ZNF536: variants seen among roughly 807,000 people sequenced by gnomAD.
ZNF536 encodes the protein zinc finger protein 536.
ZNF536 carries 13 observed loss-of-function variants against 84.5 expected under a neutral mutation model. The observed-to-expected ratio is 0.15, with a 90% CI of 0.10 to 0.24. The LOEUF (loss-of-function observed/expected upper bound fraction) is 0.24. ZNF536 is among the 10% of genes least tolerant of loss of function. ZNF536 has a pLI of 1.00. For missense variants in ZNF536, 1,536 were observed against 1,747.5 expected (o/e 0.88, Z 2.16); for synonymous variants, 811 against 742.5 (o/e 1.09, Z -1.50).
intron 1 of ZNF536, among the ~76,000 whole-genome samples, chr19:30,278,058 A>G (rs1393554044): frequency 1.3e-5 from 2 of 152,130 alleles, no homozygotes; most frequent in Non-Finnish European, 2.9e-5. Flanking sequence ...TTTGAAATGT[A>G]GGTTTTATTA....
intron 1 of ZNF536, among the ~76,000 whole-genome samples, chr19:30,269,167 A>G (rs1568290574): frequency 6.6e-6 from 1 of 152,108 alleles, no homozygotes; most frequent in East Asian, 1.9e-4. Flanking sequence ...TCTTTTGGCG[A>G]GTGTGTTGAG....
At chr19:30,379,939 T>C (rs958216709) in intron 1 of ZNF536, among the ~76,000 whole-genome samples, 3 of 152,186 alleles carry the variant, frequency 2.0e-5, no homozygotes, top group Non-Finnish European at 1.5e-5. Flanking sequence ...GCTGAGGCTT[T>C]TGATCTGTGA....
At chr19:30,242,001 T>G (rs1470000831) in intron 1 of ZNF536, among the ~76,000 whole-genome samples, 1 of 151,986 alleles carries the variant, frequency 6.6e-6, no homozygotes, top group Non-Finnish European at 1.5e-5. Flanking sequence ...TGGCGCGATC[T>G]TTCTTTGCAT....
chr19:30,227,270 C>A (rs1335242649), upstream of ZNF536, among the ~76,000 whole-genome samples: 1 of 152,084 alleles, frequency 6.6e-6, no homozygotes, highest in African/African-American at 2.4e-5. Flanking sequence ...TTAAGTCCCC[C>A]CCTTTTCACT....
chr19:30,628,388 A>G (rs765211041), intron 1 of ZNF536, among the ~76,000 whole-genome samples: 8 of 151,210 alleles, frequency 5.3e-5, no homozygotes, highest in African/African-American at 1.9e-4. Context: ...GACAGAAAAC[A>G]TAGCACAGCA....
intron 2 of ZNF536, among the ~76,000 whole-genome samples, chr19:30,329,478 G>A (rs1309766767): frequency 6.6e-6 from 1 of 152,136 alleles, no homozygotes; most frequent in Non-Finnish European, 1.5e-5. Flanking sequence ...ACCTTCAAAG[G>A]AGTTAAGTTT....
At position 30,629,732 on chromosome 19, in the gene ZNF536, G is replaced by A. The variant is rs185343378; in HGVS notation, c.169+80218G>A. On this transcript the variant is annotated intron_variant, in intron 1 of 1. Transcript: ENST00000592773. ...TGTTTGTAGGTCTGGAATCTGCCAC[G>A]AGTTTCTCTGCTCCTCTGGCTCCCC... is the stretch of plus-strand genomic sequence containing the variant. Among the ~76,000 whole-genome samples, 6 of 152,310 alleles carry A rather than the reference G, an allele frequency of 3.9e-5. No individual in the cohort carries two copies. The East Asian group carries it at 9.7e-4, about 25-fold the overall frequency.
chr19:30,550,356 G>T (rs1320208191), intron 4 of ZNF536, among the ~76,000 whole-genome samples: 1 of 152,148 alleles, frequency 6.6e-6, no homozygotes, highest in African/African-American at 2.4e-5. Flanking sequence ...TGAATGTTTG[G>T]GTGGGCAGGG....
At position 30,548,967 on chromosome 19, in the gene ZNF536, T is replaced by A. The variant is rs1203383606; in HGVS notation, c.3348T>A (p.Gly1116=). 1 of 1,614,066 alleles carries A rather than the reference T, an allele frequency of 6.2e-7. No homozygotes were observed. The highest frequency in any genetic ancestry group is 8.5e-7 in the Non-Finnish European group (1 of 1,180,024). ...NFPSDFYKQF[G]VYPGMVGSGA... ...CATCAGACTTCTACAAGCAGTTTGG[T>A]GTTTACCCAGGCATGGTTGGCTCAG... Residue 1116 remains glycine, a synonymous_variant, in exon 4 of 5, where the codon GGT becomes GGA. Transcript: ENST00000355537.
At chr19:30,491,027 C>T (rs1240452565) in intron 2 of ZNF536, among the ~76,000 whole-genome samples, 3 of 152,074 alleles carry the variant, frequency 2.0e-5, no homozygotes, top group African/African-American at 4.8e-5. Context: ...GGTGAATGTG[C>T]AACTCCAATG....
At chr19:30,581,712 C>T (rs758857059) in intron 1 of ZNF536, among the ~76,000 whole-genome samples, 7 of 151,454 alleles carry the variant, frequency 4.6e-5, no homozygotes, top group Admixed American at 1.3e-4. Context: ...CCGAGGTGGG[C>T]GGATCACGAG....
At chr19:30,674,679 A>G (rs1350376244) in intron 1 of ZNF536, among the ~76,000 whole-genome samples, 4 of 152,208 alleles carry the variant, frequency 2.6e-5, no homozygotes, top group African/African-American at 4.8e-5. Context: ...GGTGGAGGCC[A>G]GCTTGAGCTC....
At chr19:30,486,724 T>A (rs2054315425) in intron 2 of ZNF536, among the ~76,000 whole-genome samples, 1 of 152,218 alleles carries the variant, frequency 6.6e-6, no homozygotes. Context: ...ACCAATGGTG[T>A]AAAAACGTTC....
At chr19:30,498,238 G>A (rs1036633054) in intron 2 of ZNF536, among the ~76,000 whole-genome samples, 2 of 152,150 alleles carry the variant, frequency 1.3e-5, no homozygotes, top group Non-Finnish European at 2.9e-5. Context: ...CACATATACA[G>A]CATGGAATAC....
intron 1 of ZNF536, among the ~76,000 whole-genome samples, chr19:30,402,298 T>C (rs2050074748): frequency 2.0e-5 from 3 of 151,848 alleles, no homozygotes; most frequent in Non-Finnish European, 2.9e-5. Context: ...CAATCTGTTA[T>C]GCAAAATCAT....
At position 30,444,696 on chromosome 19, in the gene ZNF536, C is replaced by T. The variant is rs755287534; in HGVS notation, c.1134C>T (p.Cys378=). 1.2e-5 allele frequency: 20 copies of T among 1,613,954 alleles called. No individual in the cohort carries two copies. The highest frequency in any genetic ancestry group is 1.6e-5 in the Non-Finnish European group (19 of 1,180,040). ...CCTTTGAGCACTGCTGCCAGATCTG[C>T]GGCCGGCGCTTCAAGGAGCCCTGGT... ...KDSFEHCCQI[C]GRRFKEPWFL... The change falls in exon 2 of 5, where the codon TGC becomes TGT. Residue 378 remains cysteine (C), a synonymous_variant. Transcript: ENST00000355537.
At chr19:30,620,065 A>G (rs2082153004) in intron 1 of ZNF536, among the ~76,000 whole-genome samples, 1 of 150,842 alleles carries the variant, frequency 6.6e-6, no homozygotes, top group African/African-American at 2.4e-5. Flanking sequence ...TTAGGTACAC[A>G]AAAGGGTTCC....
Position 30,444,516 on chromosome 19 carries a change from C to T in ZNF536, c.954C>T (p.His318=). ...CGCAGGAGGAGGAGCTCATCAGCCA[C>T]GTGGAGAAGGCACACATCACGGCCG... The part of the protein sequence containing the change: ...AASQEEELIS[H]VEKAHITAES... The change falls in exon 2 of 5, where the codon CAC becomes CAT. Residue 318 remains histidine, a synonymous_variant. Transcript: ENST00000355537. 6.2e-7 allele frequency: 1 copy of T among 1,612,620 alleles called. No individual in the cohort carries two copies. Among genetic ancestry groups the T allele is most frequent in the Non-Finnish European group, 8.5e-7 (1 of 1,179,852 alleles).
intron 2 of ZNF536, among the ~76,000 whole-genome samples, chr19:30,502,992 A>G (rs899897187): frequency 4.6e-5 from 7 of 152,254 alleles, no homozygotes; most frequent in Non-Finnish European, 1.5e-5. Flanking sequence ...CTCTCCAACC[A>G]TAACATCTGA....
Sources: gnomAD v4.1 joint callset for allele counts (sites outside exome capture counted in the v4.1 genomes callset) on GRCh38, gnomAD v4.1.1 for gene constraint, MANE v1.5 for transcripts, NCBI Gene and HGNC (gene_info 2026-07-23, HGNC 2026-07-21) for gene names.